AKR7A3: variants seen among roughly 807,000 people sequenced by gnomAD.
The protein encoded by AKR7A3 is AFB1 aldehyde reductase 2.
In AKR7A3, 37 loss-of-function variants were observed where a neutral mutation model predicts 32.5. That is an observed-to-expected ratio of 1.14 (90% CI 0.88 to 1.50). AKR7A3 has a LOEUF of 1.50. Ranked by LOEUF, AKR7A3 falls within the 40% of genes most tolerant of loss-of-function variation. The pLI, the probability that AKR7A3 is intolerant of heterozygous loss-of-function variation, is 0.00. For synonymous variants in AKR7A3, 177 were observed against 188.4 expected, an observed-to-expected ratio of 0.94 and a Z score of 0.50; for missense variants, 412 against 453.2, an observed-to-expected ratio of 0.91 and a Z score of 0.83.
intron 5 of AKR7A3, 30 bp from the exon 6 acceptor site, chr1:19,284,155 CAGGGCCACA>C: frequency 6.3e-7 from 1 of 1,592,576 alleles, no homozygotes; most frequent in East Asian, 2.2e-5. Flanking sequence ...GCACAGGTGT[CAGGGCCACA>C]TTGGGAGCCA....
chr1:19,281,749 C>T (rs1487774683), downstream of AKR7A3, among the ~76,000 whole-genome samples: 1 of 151,898 alleles, frequency 6.6e-6, no homozygotes, highest in African/African-American at 2.4e-5. Context: ...TGAATTTTGC[C>T]CAAGGCCCTG....
chr1:19,279,485 A>T (rs1392017246), downstream of AKR7A3, among the ~76,000 whole-genome samples: 2 of 151,746 alleles, frequency 1.3e-5, no homozygotes, highest in Non-Finnish European at 2.9e-5. Context: ...TTTATGTTTA[A>T]TCCTCTGAGG....
downstream of AKR7A3, chr1:19,282,553 C>T (rs1357941827): frequency 9.4e-7 from 1 of 1,059,424 alleles, no homozygotes; most frequent in African/African-American, 1.6e-5. Flanking sequence ...GCAACGCAAA[C>T]AGACTAACAC....
chr1:19,282,737 G>A lies in AKR7A3; in HGVS notation c.990C>T (p.Phe330=), dbSNP rs1355716323. 6.8e-6 allele frequency: 11 copies of A among 1,613,768 alleles called. No individual in the cohort carries two copies. Among genetic ancestry groups the A allele is most frequent in the South Asian group, 2.2e-5 (2 of 91,082 alleles). ...HLVTHECPNY[F]R is the part of the protein sequence containing the mutation. ...AGCCTGAGAAACGATGGGCCTAGCG[G>A]AAGTAGTTGGGACATTCGTGAGTAA... The change falls in exon 7 of 7, where the codon TTC becomes TTT. Residue 330 remains phenylalanine (F), a synonymous_variant. Coordinates refer to ENST00000361640, the MANE Select transcript of AKR7A3 (RefSeq NM_012067.3).
chr1:19,278,287 A>G (rs2093713932), downstream of AKR7A3, among the ~76,000 whole-genome samples: 1 of 151,772 alleles, frequency 6.6e-6, no homozygotes, highest in Admixed American at 6.6e-5. Context: ...GGCCAGGCGC[A>G]GTGGCTCACA....
downstream of AKR7A3, among the ~76,000 whole-genome samples, chr1:19,277,975 T>C (rs1355526611): frequency 6.6e-6 from 1 of 152,012 alleles, no homozygotes; most frequent in African/African-American, 2.4e-5. Flanking sequence ...TAAACTTTGA[T>C]GGTGTTGATT....
At chr1:19,287,296 G>A (rs550384532) in intron 1 of AKR7A3, among the ~76,000 whole-genome samples, 1 of 138,802 alleles carries the variant, frequency 7.2e-6, no homozygotes, top group East Asian at 2.0e-4. Context: ...AAAAAAGCAA[G>A]ACCCTGTCTC....
rs1479682085 is a variant in AKR7A3 at position 19,282,780 on chromosome 1, T to C, written c.947A>G (p.Asn316Ser). Residue 316 changes from asparagine (N) to serine (S), a missense_variant, in exon 7 of 7, where the codon AAT (asparagine) becomes AGT (serine). By Grantham distance (46) the Asn-to-Ser change is conservative. Coordinates refer to ENST00000361640, the MANE Select transcript of AKR7A3 (RefSeq NM_012067.3). ...PLEPAVVDAF[N>S]QAWHLVTHEC... ...GTGAGTAACCAAATGCCAGGCTTGA[T>C]TAAAGGCGTCCACGACAGCCGGCTC... is the stretch of plus-strand genomic sequence containing the variant. 43 of 1,613,512 alleles carry C rather than the reference T, an allele frequency of 2.7e-5. No individual in the cohort carries two copies. Among genetic ancestry groups the C allele is most frequent in the Non-Finnish European group, 3.6e-5 (42 of 1,180,016 alleles).
rs116720001 is a variant in AKR7A3 at position 19,286,813 on chromosome 1, C to T, written c.215-441G>A. ...ACCTAGGCTGGCAGGAGGGCAGTCA[C>T]TGGAGCCCTTGAGGCCTAGCAAAGA... On this transcript the variant is annotated intron_variant, in intron 1 of 6. Coordinates refer to ENST00000361640, the MANE Select transcript of AKR7A3 (RefSeq NM_012067.3). Among the ~76,000 whole-genome samples, 946 of 151,946 alleles carry T rather than the reference C, an allele frequency of 6.2e-3. 21 individuals are homozygous for T. The highest frequency in any genetic ancestry group is 0.021 in the African/African-American group (882 of 41,242).
At chr1:19,287,153 C>A (rs2151982714) in intron 1 of AKR7A3, among the ~76,000 whole-genome samples, 1 of 151,486 alleles carries the variant, frequency 6.6e-6, no homozygotes, top group South Asian at 2.1e-4. Context: ...ATGAATAATA[C>A]AAAAAATTAG....
chr1:19,286,340 C>G lies in AKR7A3; in HGVS notation c.247G>C (p.Gly83Arg). ...AGACTGTCAGGCTTCAGGGAGTTCC[C>G]AAACAGTGGAATGGCCTTGGTATCA... is the stretch of plus-strand genomic sequence containing the variant. ...KIDTKAIPLF[G>R]NSLKPDSLRF... Residue 83 changes from glycine (G) to arginine (R), a missense_variant, in exon 2 of 7, where the codon GGG becomes CGG. Physicochemically the swap from Gly to Arg is moderately radical, Grantham distance 125 (BLOSUM62 -2). Transcript: ENST00000361640. The G allele has an allele frequency of 6.2e-7, 1 of 1,613,866 alleles. No homozygotes were observed. The highest frequency in any genetic ancestry group is 1.1e-5 in the South Asian group (1 of 91,080).
At chr1:19,288,098 C>T (rs2093734095) in intron 1 of AKR7A3, among the ~76,000 whole-genome samples, 1 of 152,162 alleles carries the variant, frequency 6.6e-6, no homozygotes, top group African/African-American at 2.4e-5. Context: ...GCGGTAAGAA[C>T]AGAATTTCTG....
At chr1:19,286,567 G>C (rs1202225553) in intron 1 of AKR7A3, among the ~76,000 whole-genome samples, 195 bp from the exon 2 acceptor site, 7 of 151,878 alleles carry the variant, frequency 4.6e-5, no homozygotes, top group African/African-American at 1.7e-4. Context: ...GTAGTCCCCA[G>C]CTAGTCCGGA....
In AKR7A3 at chr1:19,285,872, C is replaced by T; in HGVS notation, c.507+16G>A. On this transcript the variant is annotated intron_variant, in intron 3 of 6. Coordinates refer to ENST00000361640, the MANE Select transcript of AKR7A3 (RefSeq NM_012067.3). ...GGAGTTCTGGAGACCTTGGCCTCTG[C>T]AGCCCTGGCTCTCACCTGGTACACA... The T allele has an allele frequency of 6.2e-7, 1 of 1,613,544 alleles. No homozygotes were observed. The highest frequency in any genetic ancestry group is 8.5e-7 in the Non-Finnish European group (1 of 1,179,826).
intron 1 of AKR7A3, 110 bp from the exon 2 acceptor site, chr1:19,286,482 C>T (rs900834857): frequency 4.5e-6 from 5 of 1,100,118 alleles, no homozygotes; most frequent in African/African-American, 3.2e-5. Flanking sequence ...GAGTTCAAGA[C>T]CAGCTGGACC....
chr1:19,274,983 A>AATTAC, the AKR7A3 span, among the ~76,000 whole-genome samples: 2 of 150,916 alleles, frequency 1.3e-5, no homozygotes, highest in Non-Finnish European at 2.9e-5. Flanking sequence ...CCATATCAAT[A>AATTAC]ATTACATTAA....
chr1:19,283,478 A>G (rs1385753138), intron 6 of AKR7A3, among the ~76,000 whole-genome samples: 2 of 151,972 alleles, frequency 1.3e-5, no homozygotes, highest in African/African-American at 4.9e-5. Context: ...CTGAAGGAAT[A>G]ATGAAATCCC....
Position 19,288,674 on chromosome 1 carries a change from C to G in AKR7A3, c.36G>C (p.Thr12=). 1.3e-6 allele frequency: 2 copies of G among 1,523,012 alleles called. No individual in the cohort carries two copies. The highest frequency in any genetic ancestry group is 1.8e-6 in the Non-Finnish European group (2 of 1,135,980). The allele number at this position is 1,523,012 out of a possible 1,614,324, so 94.3% of individuals were successfully genotyped here. Residue 12 remains threonine (T), a synonymous_variant, in exon 1 of 7, where the codon ACG becomes ACC. Transcript: ENST00000361640. Reference sequence around the variant, plus strand: ...GCCCCATCTCCATGGCGCCCAGCACCGTGGCTGGCCGGGCCCGCGACAGCT... The same window carrying G: ...GCCCCATCTCCATGGCGCCCAGCACGGTGGCTGGCCGGGCCCGCGACAGCT... The part of the protein sequence containing the change: ...SRQLSRARPA[T]VLGAMEMGRR...
intron 1 of AKR7A3, among the ~76,000 whole-genome samples, chr1:19,288,150 G>C (rs2093734184): frequency 6.6e-6 from 1 of 152,216 alleles, no homozygotes; most frequent in Non-Finnish European, 1.5e-5. Context: ...CACAGGTGGG[G>C]ACAGGAGCTG....
Sources: gnomAD v4.1 joint callset for allele counts (sites outside exome capture counted in the v4.1 genomes callset) on GRCh38, gnomAD v4.1.1 for gene constraint, MANE v1.5 for transcripts, NCBI Gene and HGNC (gene_info 2026-07-23, HGNC 2026-07-21) for gene names.